LTBP2: variants seen among roughly 807,000 people sequenced by gnomAD.
The protein encoded by LTBP2 is latent transforming growth factor beta binding protein 2, also known as latent-transforming growth factor beta-binding protein 2.
A neutral mutation model predicts 210.6 loss-of-function variants in LTBP2; 103 were observed. The ratio of observed to expected loss-of-function variants is 0.49; its 90% CI spans 0.42 to 0.58. LTBP2 has a LOEUF of 0.58. Among genes scored for constraint, LTBP2 ranks in the 20% least tolerant of loss-of-function variants. The pLI, the probability that LTBP2 is intolerant of heterozygous loss-of-function variation, is 0.00. For missense variants in LTBP2, 2,313 were observed against 2,494.5 expected, an observed-to-expected ratio of 0.93 and a Z score of 1.55; for synonymous variants, 1,007 against 1,015.0, an observed-to-expected ratio of 0.99 and a Z score of 0.15.
At chr14:74,513,106 G>A (rs1595245494) in intron 18 of LTBP2, among the ~76,000 whole-genome samples, 1 of 152,238 alleles carries the variant, frequency 6.6e-6, no homozygotes, top group Non-Finnish European at 1.5e-5. Context: ...ATCAGGCAAC[G>A]TGGGAAGGAG....
rs552098847 is a variant in LTBP2, at chr14:74,525,129, G to A, written c.2525C>T (p.Thr842Ile). 3.4e-5 allele frequency: 45 copies of A among 1,326,946 alleles called. No individual in the cohort carries two copies. In the South Asian group the frequency reaches 1.2e-3, roughly 36 times the overall value. The allele number at this position is 1,326,946 out of a possible 1,614,324, so 82.2% of individuals were successfully genotyped here. ...PSTDVLVTLS[T>I]PGIDRCAAGA... ...AAAGGTCTGGCTGCAGCTACCTGGG[G>A]TGCTCAGGGTCACCAGCACATCAGT... is the stretch of plus-strand genomic sequence containing the variant. The change falls in exon 15 of 36, where the codon ACC becomes ATC. Residue 842 changes from threonine (T) to isoleucine (I), a missense_variant. Physicochemically the swap from Thr to Ile is moderately conservative, Grantham distance 89. Around this residue, in one of 3 missense-constraint regions of LTBP2, gnomAD observed 1,867 missense variants for 1,976.9 expected, o/e 0.94. Transcript: ENST00000261978.
intron 14 of LTBP2, 97 bp downstream of exon 14, chr14:74,525,978 A>G: frequency 2.4e-6 from 3 of 1,273,066 alleles, no homozygotes. Flanking sequence ...TGTGTGTGTG[A>G]GCGTGAACCA....
At chr14:74,577,504 CTT>C (rs397948520) in intron 3 of LTBP2, among the ~76,000 whole-genome samples, 37 of 135,910 alleles carry the variant, frequency 2.7e-4, no homozygotes, top group African/African-American at 5.8e-4. Flanking sequence ...ACCATTATCT[CTT>C]TTTTTTTTTT....
At chr14:74,502,310 A>G (rs1412208268) in intron 34 of LTBP2, among the ~76,000 whole-genome samples, 1 of 152,186 alleles carries the variant, frequency 6.6e-6, no homozygotes, top group Non-Finnish European at 1.5e-5. Flanking sequence ...GGGTGTCCTT[A>G]GAGCAGGTTA....
rs2087740031 is a variant in LTBP2, at chr14:74,557,131, G to T, written c.831-1438C>A. On this transcript the variant is annotated intron_variant, in intron 3 of 35. Transcript: ENST00000261978. ...ACAAAAATTAGCTGGGTGTGGTGGTGCATGCCTGTGGTCCCAGGTACTTGA... is the reference window on the plus strand; with the variant it reads ...ACAAAAATTAGCTGGGTGTGGTGGTTCATGCCTGTGGTCCCAGGTACTTGA... Among the ~76,000 whole-genome samples the T allele has an allele frequency of 2.0e-5, 3 of 152,210 alleles. No homozygotes were observed. In the South Asian group the frequency reaches 6.2e-4, roughly 32 times the overall value.
intron 17 of LTBP2, among the ~76,000 whole-genome samples, chr14:74,517,819 C>G (rs1288934403): frequency 1.3e-5 from 2 of 152,188 alleles, no homozygotes; most frequent in African/African-American, 2.4e-5. Flanking sequence ...AAAGCCCAAC[C>G]CCACTCACGC....
intron 14 of LTBP2, 53 bp downstream of exon 14, chr14:74,526,022 G>A: frequency 6.5e-7 from 1 of 1,542,470 alleles, no homozygotes; most frequent in South Asian, 1.2e-5. Context: ...CTGATTAAGG[G>A]CTCTTTCCCT....
intron 22 of LTBP2, 115 bp downstream of exon 22, chr14:74,509,123 G>T: frequency 6.3e-7 from 1 of 1,579,566 alleles, no homozygotes; most frequent in Non-Finnish European, 8.7e-7. Context: ...GACTCTTGGG[G>T]AGCGGGATGA....
intron 7 of LTBP2, among the ~76,000 whole-genome samples, chr14:74,550,567 A>G (rs1418925434): frequency 1.3e-5 from 2 of 152,124 alleles, no homozygotes; most frequent in African/African-American, 4.8e-5. Context: ...ATCTTCCCTG[A>G]TTTCCCATTA....
intron 17 of LTBP2, 37 bp downstream of exon 17, chr14:74,521,874 T>C: frequency 1.2e-6 from 2 of 1,612,914 alleles, no homozygotes; most frequent in South Asian, 1.1e-5. Flanking sequence ...CTCAAGACTG[T>C]GGGGCCTGGC....
intron 3 of LTBP2, among the ~76,000 whole-genome samples, chr14:74,582,095 C>T (rs1308239956): frequency 6.6e-6 from 1 of 150,876 alleles, no homozygotes; most frequent in Non-Finnish European, 1.5e-5. Flanking sequence ...TCTCAGCTCA[C>T]TGCAACCTCC....
At position 74,503,300 on chromosome 14, in the gene LTBP2, G is replaced by A. The variant is rs768752689; in HGVS notation, c.4807C>T (p.Arg1603Cys). The change falls in exon 33 of 36, where the codon CGC becomes TGC. Residue 1603 changes from arginine (R) to cysteine (C), a missense_variant. Arg to Cys is a radical substitution (Grantham distance 180, BLOSUM62 -3). This residue lies in a region of LTBP2 where 443 missense variants were observed against 501.4 expected (regional missense o/e 0.88). Transcript: ENST00000261978. ...DVCSEPLRGH[R>C]TTYTECCCQD... ...CAGCAGCATTCCGTGTAGGTGGTGC[G>A]GTGCCCACGCAGGGGTTCGCTGCAC... 3.3e-5 allele frequency: 54 copies of A among 1,613,866 alleles called. No individual in the cohort carries two copies. Among genetic ancestry groups the A allele is most frequent in the East Asian group, 4.5e-5 (2 of 44,894 alleles).
In LTBP2 at chr14:74,507,288, A is replaced by G. The variant is rs776099559; in HGVS notation, c.3798T>C (p.Tyr1266=). 28 of 1,614,012 alleles carry G rather than the reference A, an allele frequency of 1.7e-5. No homozygotes were observed. The South Asian group carries it at 2.6e-4, about 15-fold the overall frequency. The change falls in exon 26 of 36, where the codon TAT becomes TAC. Residue 1266 remains tyrosine (Y), a synonymous_variant. Transcript: ENST00000261978. ...TCCAGGTGCCACACACCGGGTCTCCATAGTCCTCACACTCGTCAATATCTG... is the reference window on the plus strand; with the variant it reads ...TCCAGGTGCCACACACCGGGTCTCCGTAGTCCTCACACTCGTCAATATCTG... ...ECVDIDECED[Y]GDPVCGTWKC...
At chr14:74,598,323 C>A (rs1027539030) in intron 2 of LTBP2, among the ~76,000 whole-genome samples, 13 of 152,208 alleles carry the variant, frequency 8.5e-5, no homozygotes, top group African/African-American at 2.4e-4. Context: ...CCATTGCCCA[C>A]GTGATACACG....
chr14:74,593,337 C>T (rs1023942227), intron 2 of LTBP2, among the ~76,000 whole-genome samples: 12 of 152,230 alleles, frequency 7.9e-5, no homozygotes, highest in Admixed American at 3.9e-4. Context: ...GTAGCAAGAA[C>T]ACGGGGTCGG....
At chr14:74,584,278 C>T (rs989983748) in intron 3 of LTBP2, among the ~76,000 whole-genome samples, 17 of 152,126 alleles carry the variant, frequency 1.1e-4, no homozygotes, top group East Asian at 3.9e-4. Context: ...GGACTTCAAA[C>T]GGCTCTGACT....
chr14:74,576,012 C>G (rs1247390019), intron 3 of LTBP2, among the ~76,000 whole-genome samples: 6 of 152,184 alleles, frequency 3.9e-5, no homozygotes, highest in Non-Finnish European at 7.4e-5. Context: ...GCCTCCTTTA[C>G]AGCTGCCACA....
intron 4 of LTBP2, among the ~76,000 whole-genome samples, chr14:74,555,250 G>T (rs2087714050): frequency 6.6e-6 from 1 of 152,086 alleles, no homozygotes; most frequent in South Asian, 2.1e-4. Flanking sequence ...AGGCAGGAGG[G>T]GATGATAGAT....
rs531171293 is a variant in LTBP2, at chr14:74,586,605, T to G, written c.566-487A>C. 3.0e-4 allele frequency among the ~76,000 whole-genome samples: 45 copies of G among 152,184 alleles called. 1 individual carries two copies. The South Asian group carries it at 8.5e-3, about 29-fold the overall frequency. ...TGGCCTGAAATTCAAGCGGTTTGAG[T>G]TGCTGGGGTTTTCCTGTCACTTGTG... is the stretch of plus-strand genomic sequence containing the variant. On this transcript the variant is annotated intron_variant, in intron 2 of 35. Transcript: ENST00000261978. This position sits in a 1 kb window ranked among gnomAD's most constrained non-coding sequence, Gnocchi z 4.6.
Sources: gnomAD v4.1 joint callset for allele counts (sites outside exome capture counted in the v4.1 genomes callset) on GRCh38, gnomAD v4.1.1 for gene constraint, gnomAD v4.1.1 regional missense constraint, Gnocchi (gnomAD v3.1) non-coding constraint, MANE v1.5 for transcripts, NCBI Gene and HGNC (gene_info 2026-07-23, HGNC 2026-07-21) for gene names.